The following TIAM2 variants were observed in gnomAD, a reference collection of about 807,000 sequenced individuals.
TIAM2 encodes TIAM Rac1 associated GEF 2.
In TIAM2, 80 loss-of-function variants were observed where a neutral mutation model predicts 152.9. The ratio of observed to expected loss-of-function variants is 0.52; its 90% confidence interval spans 0.44 to 0.63. The LOEUF (loss-of-function observed/expected upper bound fraction) is 0.63, where lower values mean the gene tolerates loss of function less well. Among genes scored for constraint, TIAM2 ranks in the 30% least tolerant of loss-of-function variants. The pLI is 0.00. For missense variants in TIAM2, 1,965 were observed against 2,120.1 expected (o/e 0.93, Z 1.44); for synonymous variants, 804 against 838.0 (o/e 0.96, Z 0.70).
chr6:155,164,199 G>A (rs1249042046), intron 7 of TIAM2, among the ~76,000 whole-genome samples: 1 of 138,186 alleles, frequency 7.2e-6, no homozygotes, highest in Non-Finnish European at 1.5e-5. Flanking sequence ...GGTCTCAAAT[G>A]CCTGACCTTC....
chr6:155,146,594 C>CATTATT (rs141363452), intron 6 of TIAM2, among the ~76,000 whole-genome samples: 1 of 151,446 alleles, frequency 6.6e-6, no homozygotes, highest in African/African-American at 2.4e-5. Context: ...AAAAATGTAT[C>CATTATT]ATTATTATTA....
chr6:155,130,013 G>A lies in TIAM2; in HGVS notation c.790G>A (p.Glu264Lys). Residue 264 changes from glutamate (E) to lysine (K), a missense_variant, in exon 4 of 27, where the codon GAG becomes AAG. This residue lies in a region of TIAM2 where 1,025 missense variants were observed against 1,119.4 expected (regional missense o/e 0.92). Transcript: ENST00000682666. ...WGNAGELSEA[E>K]GSFLAPGMPD... is the part of the protein sequence containing the mutation. ...CAATGCTGGAGAGCTGAGCGAGGCTGAGGGCTCCTTCCTGGCCCCCGGCAT... is the reference window on the plus strand; with the variant it reads ...CAATGCTGGAGAGCTGAGCGAGGCTAAGGGCTCCTTCCTGGCCCCCGGCAT... The A allele has an allele frequency of 6.2e-7, 1 of 1,614,114 alleles. No homozygotes were observed. Among genetic ancestry groups the A allele is most frequent in the Non-Finnish European group, 8.5e-7 (1 of 1,180,034 alleles).
chr6:155,197,733 G>A (rs79247635), intron 14 of TIAM2, among the ~76,000 whole-genome samples: 16,067 of 152,006 alleles, frequency 0.11, 1,244 homozygotes, highest in East Asian at 0.2. Context: ...CCGACCAAAA[G>A]GGGGAAAGCC....
intron 1 of TIAM2, among the ~76,000 whole-genome samples, chr6:155,089,218 C>CG (rs1283516766): frequency 3.6e-4 from 48 of 131,560 alleles, no homozygotes; most frequent in African/African-American, 7.6e-4. Context: ...TGTTTTTTTT[C>CG]GGGGGGGTGG....
intron 7 of TIAM2, among the ~76,000 whole-genome samples, chr6:155,151,974 A>G (rs917754300): frequency 2.7e-5 from 4 of 150,926 alleles, no homozygotes; most frequent in Non-Finnish European, 4.4e-5. Flanking sequence ...CCTCCTGAGT[A>G]GCTGGGATTA....
intron 14 of TIAM2, among the ~76,000 whole-genome samples, chr6:155,185,893 G>C (rs1053329132): frequency 6.6e-6 from 1 of 152,072 alleles, no homozygotes; most frequent in African/African-American, 2.4e-5. Context: ...TAGTGATGTC[G>C]CCTGTGCTGG....
chr6:155,060,857 T>C (rs140452301), intron 1 of TIAM2, among the ~76,000 whole-genome samples: 163 of 152,348 alleles, frequency 1.1e-3, no homozygotes, highest in African/African-American at 3.8e-3. Context: ...ATCGTGCCAT[T>C]GCGCTCCAGC....
chr6:155,081,978 A>G (rs922504974), intron 1 of TIAM2, among the ~76,000 whole-genome samples: 4 of 151,960 alleles, frequency 2.6e-5, no homozygotes, highest in Non-Finnish European at 5.9e-5. Context: ...CACCTCTTTC[A>G]TCCCTATCCT....
At chr6:155,043,248 A>G (rs566073625) in intron 1 of TIAM2, among the ~76,000 whole-genome samples, 1 of 152,274 alleles carries the variant, frequency 6.6e-6, no homozygotes, top group East Asian at 1.9e-4. Flanking sequence ...CATCTCATCC[A>G]GTGGCTCTCA....
intron 7 of TIAM2, among the ~76,000 whole-genome samples, chr6:155,159,648 G>T (rs1426832032): frequency 7.2e-5 from 11 of 152,082 alleles, no homozygotes; most frequent in Admixed American, 7.2e-4. Context: ...TCCAGCACTT[G>T]TACCTCTTCT....
rs1470669263 is a variant in TIAM2, at chr6:155,225,735, A to G, written c.3168+14428A>G. Among the ~76,000 whole-genome samples, 4 of 152,360 alleles carry G rather than the reference A, an allele frequency of 2.6e-5. No homozygotes were observed. In the East Asian group the frequency reaches 7.7e-4, roughly 29 times the overall value. ...TCTTATTCCATTTCTGTTAGAAGTCAGTGTAGATTATAGAGTGGTAAAGTC... is the reference window on the plus strand; with the variant it reads ...TCTTATTCCATTTCTGTTAGAAGTCGGTGTAGATTATAGAGTGGTAAAGTC... On this transcript the variant is annotated intron_variant, in intron 15 of 26. Coordinates refer to ENST00000682666, the MANE Select transcript of TIAM2 (RefSeq NM_012454.4).
rs1174587197 is a variant in TIAM2 at position 155,244,782 on chromosome 6, GAGTA to G, written c.3543+4_3543+7del. 2 of 1,606,780 alleles carry G rather than the reference GAGTA, an allele frequency of 1.2e-6. No homozygotes were observed. The highest frequency in any genetic ancestry group is 1.3e-5 in the African/African-American group (1 of 74,674). ...ACCCTAGAAACCCCCTCACAGTTTA[GAGTA>G]AGTATCTCAGATTTAGGCTTAAAGT... On this transcript the variant is annotated splice_donor_variant and splice_donor_region_variant and coding_sequence_variant and intron_variant, in exon 18 of 27. Coordinates refer to ENST00000682666, the MANE Select transcript of TIAM2 (RefSeq NM_012454.4). LOFTEE classifies it high-confidence loss of function.
chr6:155,028,690 A>AATATATATACTGTGTTATATATATACTAC (rs1562294539), intron 1 of TIAM2, among the ~76,000 whole-genome samples: 6 of 127,114 alleles, frequency 4.7e-5, no homozygotes, highest in Admixed American at 8.4e-5. Flanking sequence ...TACTACATAT[A>AATATATATACTGTGTTATATATATACTAC]ATATATATAC....
chr6:155,131,284 T>C (rs928266423), intron 4 of TIAM2, among the ~76,000 whole-genome samples: 3 of 151,368 alleles, frequency 2.0e-5, no homozygotes, highest in Non-Finnish European at 4.4e-5. Context: ...CGCTTGAACC[T>C]GGGAGGCAGA....
At chr6:155,033,125 GAGA>G (rs1776855804) in intron 1 of TIAM2, among the ~76,000 whole-genome samples, 4 of 152,224 alleles carry the variant, frequency 2.6e-5, no homozygotes, top group South Asian at 4.1e-4. Flanking sequence ...TGAACATTTG[GAGA>G]AGGTTAGTAC....
At chr6:155,234,896 G>C (rs184125923) in intron 15 of TIAM2, among the ~76,000 whole-genome samples, 7 of 152,374 alleles carry the variant, frequency 4.6e-5, no homozygotes, top group Admixed American at 4.6e-4. Context: ...AGCAGGAGGC[G>C]TGAGGAACTA....
chr6:155,197,167 CT>C (rs914355338), intron 14 of TIAM2, among the ~76,000 whole-genome samples: 4 of 152,334 alleles, frequency 2.6e-5, no homozygotes, highest in African/African-American at 9.6e-5. Context: ...CAGTGAAGCA[CT>C]TGGAAACTGC....
chr6:155,046,436 A>G (rs1248375808), intron 1 of TIAM2, among the ~76,000 whole-genome samples: 1 of 148,460 alleles, frequency 6.7e-6, no homozygotes, highest in Non-Finnish European at 1.5e-5. Flanking sequence ...CCCAGGTTCA[A>G]GTGATTCTCC....
intron 14 of TIAM2, among the ~76,000 whole-genome samples, chr6:155,208,360 CCCCCTCCTGTA>C (rs1322411428): frequency 1.8e-4 from 27 of 152,242 alleles, no homozygotes; most frequent in African/African-American, 6.0e-4. Flanking sequence ...TTGAGAATCA[CCCCCTCCTGTA>C]CCCTTATGCA....
Sources: allele counts gnomAD v4.1 joint callset (sites outside exome capture counted in the v4.1 genomes callset), GRCh38; gene constraint gnomAD v4.1.1; regional missense constraint gnomAD v4.1.1; transcripts MANE v1.5; gene names NCBI Gene and HGNC (gene_info 2026-07-23, HGNC 2026-07-21).